Variants in MAP2K3 observed in about 807,000 individuals in gnomAD.
MAP2K3 encodes the protein mitogen-activated protein kinase kinase 3, also known as dual specificity mitogen-activated protein kinase kinase 3.
In MAP2K3, 30 loss-of-function variants were observed where a neutral mutation model predicts 46.4. The ratio of observed to expected loss-of-function variants is 0.65; its 90% CI spans 0.48 to 0.88. The LOEUF (loss-of-function observed/expected upper bound fraction) is 0.88. MAP2K3 is among the 40% of genes least tolerant of loss of function. The pLI is 0.00. For missense variants in MAP2K3, 380 were observed against 464.5 expected, an observed-to-expected ratio of 0.82 and a Z score of 1.67; for synonymous variants, 189 against 176.3, an observed-to-expected ratio of 1.07 and a Z score of -0.57.
At chr17:21,287,719 A>T (rs752474802) in intron 1 of MAP2K3, among the ~76,000 whole-genome samples, 2 of 152,182 alleles carry the variant, frequency 1.3e-5, no homozygotes, top group African/African-American at 2.4e-5. Context: ...TTGTCCTTGG[A>T]GGGTACCACA....
rs777252658 is a variant in MAP2K3, at chr17:21,312,244, C to A, written c.877C>A (p.Arg293Ser). 1 of 1,601,504 alleles carries A rather than the reference C, an allele frequency of 6.2e-7. No individual in the cohort carries two copies. Among genetic ancestry groups the A allele is most frequent in the African/African-American group, 1.4e-5 (1 of 73,922 alleles). The change falls in exon 10 of 12, where the codon CGT becomes AGT. Residue 293 changes from arginine to serine, a missense_variant. This residue lies in a region of MAP2K3 where 63 missense variants were observed against 81.6 expected (regional missense o/e 0.77). Transcript: ENST00000342679. The stretch of plus-strand genomic sequence containing the variant: ...GCCGTCCCCCCAGCTCCCAGCCGAC[C>A]GTTTCTCCCCCGAGTTTGTGGACTT... ...EEPSPQLPAD[R>S]FSPEFVDFTA...
chr17:21,303,421 C>T (rs1011702722), intron 7 of MAP2K3, among the ~76,000 whole-genome samples, 187 bp downstream of exon 7: 54 of 152,408 alleles, frequency 3.5e-4, no homozygotes, highest in African/African-American at 1.1e-3. Context: ...TGCTGGTGCT[C>T]GAAGCAAGGA....
chr17:21,302,263 A>T lies in MAP2K3; in HGVS notation c.516+4A>T. ...CCTTGGGGAGATTGCTGTGTCTGTGAGTGGCCTGGGTGGGCTGGCGGGGGG... is the reference window on the plus strand; with the variant it reads ...CCTTGGGGAGATTGCTGTGTCTGTGTGTGGCCTGGGTGGGCTGGCGGGGGG... On this transcript the variant is annotated splice_donor_region_variant and intron_variant, in intron 6 of 11. Coordinates refer to ENST00000342679, the MANE Select transcript of MAP2K3 (RefSeq NM_145109.3). 1.8e-6 allele frequency: 2 copies of T among 1,085,768 alleles called. No homozygotes were observed. The highest frequency in any genetic ancestry group is 2.7e-6 in the Non-Finnish European group (2 of 753,880). 67.3% of individuals were successfully genotyped at this position (1,085,768 alleles called of 1,614,324 possible).
At chr17:21,307,286 T>G (rs1976936590) in intron 9 of MAP2K3, among the ~76,000 whole-genome samples, 1 of 152,422 alleles carries the variant, frequency 6.6e-6, no homozygotes, top group East Asian at 1.9e-4. Context: ...CTCCTGTCAC[T>G]CAGGAAATTC....
Position 21,309,591 on chromosome 17 carries a change from G to A in MAP2K3, c.775-2551G>A, listed in dbSNP as rs1977066330. On this transcript the variant is annotated intron_variant, in intron 9 of 11. Transcript: ENST00000342679. Reference sequence around the variant, plus strand: ...AAAATACGTTTTATTAAAATTTAGAGAAATACAAACAATATGTAATGCTTC... The same window carrying A: ...AAAATACGTTTTATTAAAATTTAGAAAAATACAAACAATATGTAATGCTTC... Among the ~76,000 whole-genome samples, 2 of 151,768 alleles carry A rather than the reference G, an allele frequency of 1.3e-5. 1 individual carries two copies. The highest frequency in any genetic ancestry group is 4.2e-4 in the South Asian group (2 of 4,814).
intron 1 of MAP2K3, chr17:21,288,044 C>T: frequency 4.7e-6 from 6 of 1,289,194 alleles, no homozygotes; most frequent in Non-Finnish European, 6.1e-6. Context: ...GCAAAGTTCT[C>T]AGTTGGCCCG....
chr17:21,287,357 C>G (rs1232461764), intron 1 of MAP2K3, among the ~76,000 whole-genome samples: 1 of 152,274 alleles, frequency 6.6e-6, no homozygotes, highest in African/African-American at 2.4e-5. Flanking sequence ...AGTGGCCGGA[C>G]TGCCCCCATA....
chr17:21,293,445 C>G (rs1280567904), intron 1 of MAP2K3, among the ~76,000 whole-genome samples: 2 of 152,430 alleles, frequency 1.3e-5, no homozygotes, highest in South Asian at 4.1e-4. Context: ...GCGGGAGGAC[C>G]CTCTGGCAGC....
At position 21,296,401 on chromosome 17, in the gene MAP2K3, C is replaced by T. The variant is rs1976253211; in HGVS notation, c.50-2012C>T. On this transcript the variant is annotated intron_variant, in intron 1 of 11. Transcript: ENST00000342679. Reference sequence around the variant, plus strand: ...CCTCAGAAGCTGCTGGCCCTGTGTGCCATGGTTTTTCCTGTTAGAATGTGC... The same window carrying T: ...CCTCAGAAGCTGCTGGCCCTGTGTGTCATGGTTTTTCCTGTTAGAATGTGC... 4.6e-5 allele frequency among the ~76,000 whole-genome samples: 7 copies of T among 152,426 alleles called. No homozygotes were observed. The South Asian group carries it at 1.4e-3, about 32-fold the overall frequency.
intron 4 of MAP2K3, 102 bp from the exon 5 acceptor site, chr17:21,300,772 G>A (rs2144572740): frequency 1.2e-6 from 2 of 1,608,716 alleles, no homozygotes; most frequent in South Asian, 1.1e-5. Flanking sequence ...GGCTTTTTGG[G>A]GCACACTGGG....
chr17:21,291,790 A>G (rs1412826390), intron 1 of MAP2K3: 1 of 359,778 alleles, frequency 2.8e-6, no homozygotes, highest in Non-Finnish European at 5.5e-6. Flanking sequence ...GAGTGAGTAA[A>G]CTGAGGCCTG....
intron 6 of MAP2K3, among the ~76,000 whole-genome samples, chr17:21,302,675 T>G (rs953388699): frequency 5.3e-5 from 8 of 152,300 alleles, no homozygotes; most frequent in African/African-American, 1.9e-4. Flanking sequence ...AAAAAGTCCT[T>G]GAGGGAGGGC....
At chr17:21,292,840 C>T (rs1432118903) in intron 1 of MAP2K3, among the ~76,000 whole-genome samples, 1 of 152,308 alleles carries the variant, frequency 6.6e-6, no homozygotes. Context: ...TTGGCTCTTC[C>T]TGTCCCTGGG....
At chr17:21,301,030 T>A in intron 5 of MAP2K3, 37 bp downstream of exon 5, 1 of 1,613,584 alleles carries the variant, frequency 6.2e-7, no homozygotes. Context: ...GATCTCCACC[T>A]CCCACCCATC....
At chr17:21,287,407 C>T (rs1263831734) in intron 1 of MAP2K3, among the ~76,000 whole-genome samples, 1 of 152,394 alleles carries the variant, frequency 6.6e-6, no homozygotes, top group East Asian at 1.9e-4. Flanking sequence ...ATCCTGGGCA[C>T]TGGGCCTCCC....
At chr17:21,291,925 TC>T (rs1250282103) in intron 1 of MAP2K3, among the ~76,000 whole-genome samples, 4 of 152,312 alleles carry the variant, frequency 2.6e-5, no homozygotes, top group Admixed American at 2.0e-4. Context: ...TCATAGGACG[TC>T]AAAGGAGGAA....
chr17:21,307,923 T>A (rs1205290573), intron 9 of MAP2K3, among the ~76,000 whole-genome samples: 2 of 148,550 alleles, frequency 1.3e-5, no homozygotes, highest in African/African-American at 4.9e-5. Context: ...TGGCATGATC[T>A]CAGCTCACTG....
At position 21,312,189 on chromosome 17, in the gene MAP2K3, G is replaced by A. The variant is rs747865351; in HGVS notation, c.822G>A (p.Pro274=). Reference sequence around the variant, plus strand: ...TCCCTTACGAGTCCTGGGGGACCCCGTTCCAGCAGCTGAAGCAGGTGGTGG... The same window carrying A: ...TCCCTTACGAGTCCTGGGGGACCCCATTCCAGCAGCTGAAGCAGGTGGTGG... ...LRFPYESWGT[P]FQQLKQVVEE... The change falls in exon 10 of 12, where the codon CCG becomes CCA. Residue 274 remains proline (P), a synonymous_variant. Transcript: ENST00000342679. 21 of 1,595,316 alleles carry A rather than the reference G, an allele frequency of 1.3e-5. No homozygotes were observed. Among genetic ancestry groups the A allele is most frequent in the South Asian group, 6.8e-5 (6 of 88,846 alleles).
chr17:21,294,399 G>A (rs1976122561), intron 1 of MAP2K3, among the ~76,000 whole-genome samples: 1 of 152,430 alleles, frequency 6.6e-6, no homozygotes, highest in Admixed American at 6.5e-5. Context: ...GACTTTATGA[G>A]TGGAGGCGGA....
Sources: allele counts gnomAD v4.1 joint callset (sites outside exome capture counted in the v4.1 genomes callset), GRCh38; gene constraint gnomAD v4.1.1; regional missense constraint gnomAD v4.1.1; transcripts MANE v1.5; gene names NCBI Gene and HGNC (gene_info 2026-07-23, HGNC 2026-07-21).